Variants in ABHD5 observed in about 807,000 individuals in gnomAD.
The protein encoded by ABHD5 is 1-acylglycerol-3-phosphate O-acyltransferase ABHD5.
In ABHD5, 30 loss-of-function variants were observed where a neutral mutation model predicts 44.9. The ratio of observed to expected loss-of-function variants is 0.67; its 90% confidence interval spans 0.50 to 0.91. ABHD5 has a LOEUF of 0.91. ABHD5 is among the 40% of genes least tolerant of loss of function. ABHD5 has a pLI of 0.00. For synonymous variants in ABHD5, 167 were observed against 147.0 expected (o/e 1.14, Z -0.99); for missense variants, 399 against 423.4 (o/e 0.94, Z 0.50).
rs2084796040 is a variant in ABHD5, at chr3:43,718,513, TC to T, written c.1032del (p.Cys345AlafsTer18). The T allele has an allele frequency of 6.2e-7, 1 of 1,613,984 alleles. No homozygotes were observed. Among genetic ancestry groups the T allele is most frequent in the African/African-American group, 1.3e-5 (1 of 74,936 alleles). ...PEEFNQKVKE[I>X]CDTVD ...GAATTCAACCAGAAAGTAAAGGAGA[TC>T]TGCGACACTGTGGACTGAACACACT... On this transcript the variant is annotated frameshift_variant, in exon 7 of 7. Coordinates refer to ENST00000644371, the MANE Select transcript of ABHD5 (RefSeq NM_016006.6). LOFTEE classifies it high-confidence loss of function.
intron 1 of ABHD5, chr3:43,691,625 C>T (rs2084387934): frequency 6.6e-6 from 1 of 152,042 alleles, no homozygotes; most frequent in Non-Finnish European, 1.5e-5. Flanking sequence ...CGGGAAGCGG[C>T]GGGAGGGCGG....
downstream of ABHD5, among the ~76,000 whole-genome samples, chr3:43,724,392 A>G (rs960255373): frequency 1.3e-5 from 2 of 152,172 alleles, no homozygotes; most frequent in Non-Finnish European, 1.5e-5. Context: ...CCCTTTGACA[A>G]GTCATTTCAC....
At chr3:43,724,568 T>G (rs1280239541), downstream of ABHD5, among the ~76,000 whole-genome samples, 1 of 152,172 alleles carries the variant, frequency 6.6e-6, no homozygotes, top group Non-Finnish European at 1.5e-5. Context: ...CATAACTGAT[T>G]AAATTATGCT....
intron 1 of ABHD5, among the ~76,000 whole-genome samples, chr3:43,692,442 T>TG (rs2084406758): frequency 6.6e-6 from 1 of 152,166 alleles, no homozygotes; most frequent in Admixed American, 6.5e-5. Context: ...TTTGATGTAG[T>TG]GGGGCCTTGG....
intron 5 of ABHD5, among the ~76,000 whole-genome samples, chr3:43,715,344 G>GTATTTTGTATTT (rs1222272421): frequency 2.0e-5 from 3 of 151,942 alleles, no homozygotes; most frequent in Non-Finnish European, 4.4e-5. Flanking sequence ...TGTATTTTTA[G>GTATTTTGTATTT]TAGAGACGGG....
At chr3:43,714,863 C>T in intron 4 of ABHD5, 84 bp from the exon 5 acceptor site, 1 of 929,694 alleles carries the variant, frequency 1.1e-6, no homozygotes, top group Non-Finnish European at 1.7e-6. Flanking sequence ...ATTACACAGA[C>T]AAGCACTAAA....
intron 1 of ABHD5, among the ~76,000 whole-genome samples, 185 bp from the exon 2 acceptor site, chr3:43,699,091 T>G (rs1170412463): frequency 6.6e-6 from 1 of 152,248 alleles, no homozygotes; most frequent in African/African-American, 2.4e-5. Context: ...CAGGCTGAAG[T>G]TGAATATCTG....
At position 43,718,756 on chromosome 3, in the gene ABHD5, C is replaced by CCTG; in HGVS notation, c.*224_*225insCTG. The CCTG allele has an allele frequency of 1.9e-6, 1 of 529,656 alleles. No homozygotes were observed. Among genetic ancestry groups the CCTG allele is most frequent in the Non-Finnish European group, 3.4e-6 (1 of 295,302 alleles). 32.8% of individuals were successfully genotyped at this position (529,656 alleles called of 1,614,324 possible). ...CTACACAAAATTGAAATATACAAGT[C>CCTG]TCTAAATATAATACCTTTAAATAAA... is the stretch of plus-strand genomic sequence containing the variant. On this transcript the variant is annotated 3_prime_UTR_variant, in exon 7 of 7. Transcript: ENST00000644371.
At chr3:43,705,445 T>C (rs2084606146) in intron 3 of ABHD5, among the ~76,000 whole-genome samples, 1 of 152,232 alleles carries the variant, frequency 6.6e-6, no homozygotes, top group Non-Finnish European at 1.5e-5. Flanking sequence ...GAATGTTTCT[T>C]CTAACATTTA....
intron 3 of ABHD5, among the ~76,000 whole-genome samples, chr3:43,703,894 T>C (rs2084580152): frequency 6.6e-6 from 1 of 152,142 alleles, no homozygotes; most frequent in South Asian, 2.1e-4. Context: ...AACTTTAGCA[T>C]TTACACCTGA....
chr3:43,729,398 G>C (rs572611700), intron 7 of ABHD5, among the ~76,000 whole-genome samples: 19 of 152,208 alleles, frequency 1.2e-4, no homozygotes, highest in African/African-American at 4.6e-4. Flanking sequence ...AGAGTAACAC[G>C]CATTTATGGG....
At chr3:43,717,503 C>G (rs1290754721) in intron 5 of ABHD5, among the ~76,000 whole-genome samples, 168 bp from the exon 6 acceptor site, 1 of 152,172 alleles carries the variant, frequency 6.6e-6, no homozygotes, top group African/African-American at 2.4e-5. Flanking sequence ...TAACAGTGAT[C>G]TGTGAGATTT....
At chr3:43,693,625 G>A (rs988519409) in intron 1 of ABHD5, among the ~76,000 whole-genome samples, 7 of 151,648 alleles carry the variant, frequency 4.6e-5, no homozygotes, top group African/African-American at 1.7e-4. Flanking sequence ...GGTCCTTTTT[G>A]GTGTTTGTTA....
At chr3:43,704,220 G>A (rs961546205) in intron 3 of ABHD5, among the ~76,000 whole-genome samples, 2 of 151,872 alleles carry the variant, frequency 1.3e-5, no homozygotes, top group Non-Finnish European at 2.9e-5. Context: ...TGTATTTTTA[G>A]TAGAGACAGG....
chr3:43,727,639 C>A (rs1357120292), downstream of ABHD5, among the ~76,000 whole-genome samples: 1 of 152,114 alleles, frequency 6.6e-6, no homozygotes, highest in African/African-American at 2.4e-5. Context: ...GGCAGAGTTT[C>A]GCTCTTGTTG....
In ABHD5 at chr3:43,717,722, G is replaced by A; in HGVS notation, c.825G>A (p.Arg275=). Residue 275 remains arginine, a synonymous_variant, in exon 6 of 7, where the codon AGG becomes AGA. Coordinates refer to ENST00000644371, the MANE Select transcript of ABHD5 (RefSeq NM_016006.6). The part of the protein sequence containing the change: ...NMTIPYGWAK[R]PMLQRIGKMH... ...CTATTCCTTATGGATGGGCAAAAAGGCCAATGCTCCAGCGAATTGGTAAAA... is the reference window on the plus strand; with the variant it reads ...CTATTCCTTATGGATGGGCAAAAAGACCAATGCTCCAGCGAATTGGTAAAA... The A allele has an allele frequency of 6.2e-7, 1 of 1,614,198 alleles. No individual in the cohort carries two copies. Among genetic ancestry groups the A allele is most frequent in the Non-Finnish European group, 8.5e-7 (1 of 1,180,042 alleles).
upstream of ABHD5, chr3:43,690,929 G>T: frequency 6.6e-7 from 1 of 1,520,488 alleles, no homozygotes; most frequent in Non-Finnish European, 8.8e-7. Context: ...CGCCAGCCCG[G>T]GGCGGCCCAG....
rs146501592 is a variant in ABHD5 at position 43,712,457 on chromosome 3, T to C, written c.661+594T>C. On this transcript the variant is annotated intron_variant, in intron 4 of 6. Transcript: ENST00000644371. Reference sequence around the variant, plus strand: ...CCAGTGTTTAGTCCCTGATTGACTTTTATTTGACTCTCAGCAGTTCTGTCT... The same window carrying C: ...CCAGTGTTTAGTCCCTGATTGACTTCTATTTGACTCTCAGCAGTTCTGTCT... Among the ~76,000 whole-genome samples, 608 of 152,298 alleles carry C rather than the reference T, an allele frequency of 4.0e-3. 7 individuals carry two copies. The highest frequency in any genetic ancestry group is 0.014 in the African/African-American group (566 of 41,558).
intron 7 of ABHD5, among the ~76,000 whole-genome samples, chr3:43,729,581 A>G (rs2084900333): frequency 6.6e-6 from 1 of 152,198 alleles, no homozygotes; most frequent in Admixed American, 6.5e-5. Flanking sequence ...CTTTCTTCAT[A>G]GTGTTGCCAA....
Sources: gnomAD v4.1 joint callset for allele counts (sites outside exome capture counted in the v4.1 genomes callset) on GRCh38, gnomAD v4.1.1 for gene constraint, MANE v1.5 for transcripts, NCBI Gene and HGNC (gene_info 2026-07-23, HGNC 2026-07-21) for gene names.